ADAMTSL1: variants seen among roughly 807,000 people sequenced by gnomAD.
ADAMTSL1 encodes ADAMTS-like protein 1.
A neutral mutation model predicts 201.8 loss-of-function variants in ADAMTSL1; 126 were observed. That is an observed-to-expected ratio of 0.62 (90% confidence interval 0.54 to 0.72). ADAMTSL1 has a LOEUF of 0.72. ADAMTSL1 is among the 30% of genes least tolerant of loss of function. The probability of loss-of-function intolerance (pLI) is 0.00; values close to 1 mark genes in which losing one functional copy is unlikely to be tolerated. For missense variants in ADAMTSL1, 2,679 were observed against 2,277.8 expected, an observed-to-expected ratio of 1.18 and a Z score of -3.59; for synonymous variants, 1,121 against 903.4, an observed-to-expected ratio of 1.24 and a Z score of -4.32.
At chr9:18,856,864 C>T (rs1275212677) in intron 23 of ADAMTSL1, among the ~76,000 whole-genome samples, 1 of 152,046 alleles carries the variant, frequency 6.6e-6, no homozygotes, top group African/African-American at 2.4e-5. Context: ...ATAGACAAGA[C>T]ACTTATTTTC....
intron 2 of ADAMTSL1, among the ~76,000 whole-genome samples, chr9:18,525,399 G>C (rs907612253): frequency 6.6e-6 from 1 of 152,054 alleles, no homozygotes; most frequent in Non-Finnish European, 1.5e-5. Context: ...CCAGCTCCTG[G>C]ATTCATTGAT....
chr9:18,352,695 C>T (rs1026390650), intron 2 of ADAMTSL1, among the ~76,000 whole-genome samples: 1 of 152,054 alleles, frequency 6.6e-6, no homozygotes, highest in Non-Finnish European at 1.5e-5. Context: ...TGATTTATTC[C>T]CTACAGAAAA....
chr9:18,573,915 G>T, intron 3 of ADAMTSL1, 115 bp from the exon 4 acceptor site: 1 of 752,520 alleles, frequency 1.3e-6, no homozygotes, highest in South Asian at 1.8e-5. Context: ...CATCTATCAT[G>T]ACCAGGACAT....
intron 24 of ADAMTSL1, 102 bp downstream of exon 24, chr9:18,888,145 A>G (rs1829020664): frequency 1.6e-6 from 2 of 1,261,266 alleles, no homozygotes; most frequent in East Asian, 5.0e-5. Context: ...CTCCAGTGGT[A>G]CTCAAGGCAT....
chr9:18,355,115 G>C (rs1836155939), intron 2 of ADAMTSL1, among the ~76,000 whole-genome samples: 2 of 152,100 alleles, frequency 1.3e-5, no homozygotes, highest in South Asian at 2.1e-4. Context: ...ATCTACACCT[G>C]GGAGACCCTC....
chr9:18,281,086 C>G (rs12000293), intron 2 of ADAMTSL1, among the ~76,000 whole-genome samples: 1 of 151,836 alleles, frequency 6.6e-6, no homozygotes, highest in Non-Finnish European at 1.5e-5. Flanking sequence ...GTGTGGGAGA[C>G]GCATGAAGGG....
intron 2 of ADAMTSL1, among the ~76,000 whole-genome samples, chr9:18,217,669 C>T (rs1306057515): frequency 6.6e-6 from 1 of 152,214 alleles, no homozygotes; most frequent in Admixed American, 6.5e-5. Flanking sequence ...GCCTTCTTGC[C>T]TAATTATCTC....
At chr9:18,581,348 A>G (rs1823077364) in intron 4 of ADAMTSL1, among the ~76,000 whole-genome samples, 1 of 152,164 alleles carries the variant, frequency 6.6e-6, no homozygotes, top group African/African-American at 2.4e-5. Context: ...CTATTTCCTA[A>G]AAAGGTCACA....
intron 23 of ADAMTSL1, among the ~76,000 whole-genome samples, chr9:18,830,872 A>G (rs1824933473): frequency 6.6e-6 from 1 of 152,212 alleles, no homozygotes; most frequent in African/African-American, 2.4e-5. Flanking sequence ...CAAAGTGGGG[A>G]AAATCTTCAT....
intron 1 of ADAMTSL1, among the ~76,000 whole-genome samples, chr9:18,064,485 G>A (rs933150979): frequency 6.6e-6 from 1 of 152,274 alleles, no homozygotes; most frequent in Admixed American, 6.5e-5. Flanking sequence ...GGAACATAAA[G>A]TGAAAGTCCT....
At chr9:18,381,812 A>G (rs926004762) in intron 2 of ADAMTSL1, among the ~76,000 whole-genome samples, 3 of 151,982 alleles carry the variant, frequency 2.0e-5, no homozygotes, top group Non-Finnish European at 4.4e-5. Flanking sequence ...TTCCCTTCAC[A>G]TGCTCCTGGT....
At chr9:18,861,067 C>T (rs1359926681) in intron 23 of ADAMTSL1, among the ~76,000 whole-genome samples, 2 of 152,198 alleles carry the variant, frequency 1.3e-5, no homozygotes, top group Non-Finnish European at 2.9e-5. Flanking sequence ...AGATCATATA[C>T]ACATCCCTCG....
At chr9:18,158,736 G>C (rs10963479) in intron 1 of ADAMTSL1, among the ~76,000 whole-genome samples, 1 of 151,916 alleles carries the variant, frequency 6.6e-6, no homozygotes, top group East Asian at 1.9e-4. Flanking sequence ...TCTGACTTAG[G>C]ATATCAATAT....
At chr9:18,237,866 A>G (rs1033862905) in intron 2 of ADAMTSL1, among the ~76,000 whole-genome samples, 4 of 152,250 alleles carry the variant, frequency 2.6e-5, no homozygotes, top group African/African-American at 4.8e-5. Context: ...ACAAAATTAA[A>G]TGCAATTGTT....
chr9:18,481,564 A>T (rs1821731845), intron 1 of ADAMTSL1, among the ~76,000 whole-genome samples: 1 of 151,668 alleles, frequency 6.6e-6, no homozygotes, highest in Non-Finnish European at 1.5e-5. Flanking sequence ...TGTGATGGAC[A>T]TTATTATTTT....
At chr9:18,635,834 A>T (rs935355083) in intron 5 of ADAMTSL1, 109 bp from the exon 6 acceptor site, 12 of 886,822 alleles carry the variant, frequency 1.4e-5, no homozygotes, top group Middle Eastern at 2.3e-4. Flanking sequence ...CAAACACTTA[A>T]AAAAACTGTA....
intron 1 of ADAMTSL1, among the ~76,000 whole-genome samples, chr9:18,085,988 T>C (rs1823753450): frequency 6.6e-6 from 1 of 151,936 alleles, no homozygotes; most frequent in Admixed American, 6.6e-5. Context: ...GAAAGTCAAA[T>C]CGATGAGCAC....
At chr9:18,208,690 G>A (rs965300902) in intron 2 of ADAMTSL1, among the ~76,000 whole-genome samples, 2 of 152,194 alleles carry the variant, frequency 1.3e-5, no homozygotes, top group Non-Finnish European at 2.9e-5. Flanking sequence ...CACATAGCCA[G>A]CAAGTGTGGA....
intron 2 of ADAMTSL1, among the ~76,000 whole-genome samples, chr9:18,288,862 A>T (rs1286938277): frequency 1.3e-5 from 2 of 152,226 alleles, no homozygotes; most frequent in Non-Finnish European, 2.9e-5. Flanking sequence ...CCAGTGTGGT[A>T]TAAATGGACT....
Sources: gnomAD v4.1 joint callset for allele counts (sites outside exome capture counted in the v4.1 genomes callset) on GRCh38, gnomAD v4.1.1 for gene constraint, MANE v1.5 for transcripts, NCBI Gene and HGNC (gene_info 2026-07-23, HGNC 2026-07-21) for gene names.